DTNA: variants seen among roughly 807,000 people sequenced by gnomAD.
DTNA encodes the protein dystrobrevin alpha.
DTNA carries 43 observed loss-of-function variants against 100.7 expected under a neutral mutation model. The ratio of observed to expected loss-of-function variants is 0.43; its 90% CI spans 0.33 to 0.55. The LOEUF is 0.55. Among genes scored for constraint, DTNA ranks in the 20% least tolerant of loss-of-function variants. The probability of loss-of-function intolerance (pLI) is 0.04; values close to 1 mark genes in which losing one functional copy is unlikely to be tolerated. For synonymous variants in DTNA, 349 were observed against 347.9 expected (o/e 1.00, Z -0.04); for missense variants, 798 against 953.9 (o/e 0.84, Z 2.15).
rs758695658 is a variant in DTNA, at chr18:34,851,938, T to C, written c.1532+10T>C. The C allele has an allele frequency of 1.9e-6, 3 of 1,613,378 alleles. No homozygotes were observed. Among genetic ancestry groups the C allele is most frequent in the Non-Finnish European group, 2.5e-6 (3 of 1,179,432 alleles). On this transcript the variant is annotated intron_variant, in intron 15 of 22. Transcript: ENST00000444659. ...TAGAAAACAAGAACAGGTGAGACTT[T>C]GTAGACGTGCTGGCTTGTTTGATCA...
intron 1 of DTNA, among the ~76,000 whole-genome samples, chr18:34,581,027 C>T (rs1045619216): frequency 8.5e-5 from 13 of 152,054 alleles, no homozygotes; most frequent in South Asian, 4.1e-4. Context: ...AGGCGGATCA[C>T]GAGGTCAGGA....
At position 34,888,387 on chromosome 18, in the gene DTNA, G is replaced by A. The variant is rs1226081409; in HGVS notation, c.*653G>A. 7.1e-6 allele frequency: 7 copies of A among 985,580 alleles called. No individual in the cohort carries two copies. Among genetic ancestry groups the A allele is most frequent in the Non-Finnish European group, 8.4e-6 (7 of 829,924 alleles). The allele number at this position is 985,580 out of a possible 1,614,324, so 61.1% of individuals were successfully genotyped here. On this transcript the variant is annotated 3_prime_UTR_variant, in exon 23 of 23. Coordinates refer to ENST00000444659, the MANE Select transcript of DTNA (RefSeq NM_001386795.1). ...GCCAAGAAGGGTCCTTGGCCTGCAC[G>A]GTCTGTAGTTGACTCCAAGTCTCTG...
chr18:34,681,731 C>CACACACACACA (rs1491407771), intron 1 of DTNA, among the ~76,000 whole-genome samples: 179 of 148,140 alleles, frequency 1.2e-3, no homozygotes, highest in African/African-American at 4.4e-3. Context: ...CACACACACA[C>CACACACACACA]CCCACACACA....
At chr18:34,846,063 T>G (rs1279235196) in intron 13 of DTNA, among the ~76,000 whole-genome samples, 1 of 152,158 alleles carries the variant, frequency 6.6e-6, no homozygotes, top group East Asian at 1.9e-4. Context: ...TCCATTTTGT[T>G]TTCGAGATCT....
chr18:34,534,655 C>T (rs1330726741), intron 1 of DTNA, among the ~76,000 whole-genome samples: 1 of 151,958 alleles, frequency 6.6e-6, no homozygotes, highest in Non-Finnish European at 1.5e-5. Context: ...CCTCCAACCC[C>T]CCTACAGGCT....
chr18:34,835,245 C>T (rs2096114259), intron 11 of DTNA, among the ~76,000 whole-genome samples: 1 of 152,110 alleles, frequency 6.6e-6, no homozygotes, highest in African/African-American at 2.4e-5. Context: ...AAATTAAGAG[C>T]TATAGCAAAA....
Position 34,856,475 on chromosome 18 carries a change from C to G in DTNA, c.1533-1810C>G, listed in dbSNP as rs146280057. Among the ~76,000 whole-genome samples the G allele has an allele frequency of 5.9e-3, 897 of 152,276 alleles. 7 individuals carry two copies. Among genetic ancestry groups the G allele is most frequent in the African/African-American group, 0.019 (795 of 41,562 alleles). ...TTATAGCACCTTTGGTGGAGCCAGTCAGGGTTAGTATTAGGAGTACCAGGA... is the reference window on the plus strand; with the variant it reads ...TTATAGCACCTTTGGTGGAGCCAGTGAGGGTTAGTATTAGGAGTACCAGGA... On this transcript the variant is annotated intron_variant, in intron 15 of 22. Coordinates refer to ENST00000444659, the MANE Select transcript of DTNA (RefSeq NM_001386795.1).
intron 1 of DTNA, among the ~76,000 whole-genome samples, chr18:34,664,955 TTATCTTC>T (rs939552649): frequency 5.9e-5 from 9 of 151,932 alleles, no homozygotes; most frequent in East Asian, 1.9e-4. Flanking sequence ...ATTAAATGAT[TTATCTTC>T]TATCTTCTAT....
chr18:34,878,753 A>C (rs2150363212), intron 19 of DTNA, among the ~76,000 whole-genome samples: 1 of 152,304 alleles, frequency 6.6e-6, no homozygotes, highest in Non-Finnish European at 1.5e-5. Context: ...AGTGTTCAAA[A>C]CTTTAGCAGT....
chr18:34,755,026 A>G (rs1232617725), intron 1 of DTNA, among the ~76,000 whole-genome samples: 3 of 152,236 alleles, frequency 2.0e-5, no homozygotes, highest in African/African-American at 7.2e-5. Context: ...CCATGCAGCT[A>G]CACCTTTTGT....
At chr18:34,837,988 C>T in intron 11 of DTNA, 106 bp from the exon 12 acceptor site, 2 of 982,180 alleles carry the variant, frequency 2.0e-6, no homozygotes, top group East Asian at 2.5e-5. Context: ...AGAGATCTGT[C>T]TAAATGAAAC....
In DTNA at chr18:34,649,285, C is replaced by T. The variant is rs17735300; in HGVS notation, c.-1-106691C>T. Among the ~76,000 whole-genome samples, 231 of 152,230 alleles carry T rather than the reference C, an allele frequency of 1.5e-3. 5 individuals carry two copies. In the East Asian group the frequency reaches 0.036, roughly 24 times the overall value. On this transcript the variant is annotated intron_variant, in intron 1 of 19. Transcript: ENST00000283365. ...GTTTATAAGTCAGCTTTTAAGATGA[C>T]GTGCACAAAAGAAGATTATGATCTT...
chr18:34,829,210 T>C, intron 10 of DTNA, 190 bp from the exon 11 acceptor site: 1 of 1,567,518 alleles, frequency 6.4e-7, no homozygotes, highest in South Asian at 1.2e-5. Context: ...TTTTGGAATG[T>C]TCTCTGTGAA....
chr18:34,715,129 G>A (rs531186899), intron 1 of DTNA, among the ~76,000 whole-genome samples: 2 of 151,778 alleles, frequency 1.3e-5, no homozygotes, highest in East Asian at 3.9e-4. Context: ...AGTGGGTGCA[G>A]CACACCAGCA....
rs1274917249 is a variant in DTNA at position 34,786,616 on chromosome 18, G to GAT, written c.149-7417_149-7416dup. ...TGGAGATTGAGGGAGCATGCGCATG[G>GAT]ATATACACACACACACACAAAACCA... is the stretch of plus-strand genomic sequence containing the variant. On this transcript the variant is annotated intron_variant, in intron 3 of 22. Coordinates refer to ENST00000444659, the MANE Select transcript of DTNA (RefSeq NM_001386795.1). Among the ~76,000 whole-genome samples, 21 of 151,882 alleles carry GAT rather than the reference G, an allele frequency of 1.4e-4. No homozygotes were observed. The East Asian group carries it at 3.7e-3, about 27-fold the overall frequency.
At chr18:34,722,500 T>C (rs2085554349) in intron 1 of DTNA, among the ~76,000 whole-genome samples, 1 of 152,116 alleles carries the variant, frequency 6.6e-6, no homozygotes, top group African/African-American at 2.4e-5. Context: ...TAAGGATTAA[T>C]AGAAAATATA....
At chr18:34,729,429 A>G (rs1158149105) in intron 1 of DTNA, among the ~76,000 whole-genome samples, 1 of 152,218 alleles carries the variant, frequency 6.6e-6, no homozygotes, top group Admixed American at 6.5e-5. Context: ...GAAATGGCAC[A>G]GGGGCAACTA....
At chr18:34,591,027 T>C (rs968855506) in intron 1 of DTNA, among the ~76,000 whole-genome samples, 7 of 152,212 alleles carry the variant, frequency 4.6e-5, no homozygotes, top group Admixed American at 1.3e-4. Context: ...AATGTTGCAC[T>C]ATAAAGAGTG....
At chr18:34,529,516 C>T (rs1178341663) in intron 1 of DTNA, among the ~76,000 whole-genome samples, 1 of 152,034 alleles carries the variant, frequency 6.6e-6, no homozygotes, top group Non-Finnish European at 1.5e-5. Flanking sequence ...AAGGGGAACA[C>T]AAGATGAATT....
Sources: allele counts gnomAD v4.1 joint callset (sites outside exome capture counted in the v4.1 genomes callset), GRCh38; gene constraint gnomAD v4.1.1; transcripts MANE v1.5; gene names NCBI Gene and HGNC (gene_info 2026-07-23, HGNC 2026-07-21).